The following PTCH1 variants were observed in gnomAD, a reference collection of about 807,000 sequenced individuals.
The protein encoded by PTCH1 is patched 1.
Under a neutral mutation model 144.6 loss-of-function variants are expected in PTCH1, and 14 were observed. The observed-to-expected ratio is 0.10, with a 90% confidence interval of 0.06 to 0.15. The LOEUF is 0.15. Among genes scored for constraint, PTCH1 ranks in the 10% least tolerant of loss-of-function variants. The pLI is 1.00. For missense variants in PTCH1, 1,623 were observed against 1,948.3 expected (o/e 0.83, Z 3.14); for synonymous variants, 833 against 793.6 (o/e 1.05, Z -0.83).
At chr9:95,503,507 T>C (rs1386216610) in intron 2 of PTCH1, among the ~76,000 whole-genome samples, 1 of 152,204 alleles carries the variant, frequency 6.6e-6, no homozygotes, top group Non-Finnish European at 1.5e-5. Context: ...TCTATCTGCA[T>C]TTATGAAACT....
At chr9:95,482,326 C>T (rs55905992) in intron 3 of PTCH1, 123 bp from the exon 4 acceptor site, 80 of 979,140 alleles carry the variant, frequency 8.2e-5, no homozygotes, top group East Asian at 7.5e-4. Flanking sequence ...TCTGTCAAAA[C>T]GAGCAGAGCT....
chr9:95,513,379 C>A (rs1172956381), upstream of PTCH1, among the ~76,000 whole-genome samples: 1 of 152,202 alleles, frequency 6.6e-6, no homozygotes, highest in Non-Finnish European at 1.5e-5. Context: ...GTTTAATACT[C>A]TTCCAGAAAT....
intron 2 of PTCH1, among the ~76,000 whole-genome samples, chr9:95,490,855 TAGAAG>T (rs1302645992): frequency 1.3e-5 from 2 of 152,150 alleles, no homozygotes; most frequent in East Asian, 3.9e-4. Context: ...TCAAAATAGC[TAGAAG>T]AGAAGATTTA....
rs968469622 is a variant in PTCH1, at chr9:95,490,556, C to T, written c.395-4682G>A. The stretch of plus-strand genomic sequence containing the variant: ...ACACACACACACACACACACACACA[C>T]AAAAGAAAGATAGATATGAGAGCTA... On this transcript the variant is annotated intron_variant, in intron 2 of 23. Transcript: ENST00000331920. 2.8e-5 allele frequency among the ~76,000 whole-genome samples: 4 copies of T among 141,162 alleles called. No homozygotes were observed. In the East Asian group the frequency reaches 8.1e-4, roughly 29 times the overall value. The allele number at this position is 141,162 out of a possible 152,430, so 92.6% of individuals were successfully genotyped here.
At chr9:95,489,230 T>C (rs75386307) in intron 2 of PTCH1, among the ~76,000 whole-genome samples, 1,810 of 152,332 alleles carry the variant, frequency 0.012, 27 homozygotes, top group East Asian at 0.031. Context: ...AAGCTGTTCA[T>C]TATCTTGCTG....
intron 20 of PTCH1, chr9:95,453,271 A>G (rs772720406): frequency 3.3e-6 from 2 of 613,738 alleles, no homozygotes; most frequent in Non-Finnish European, 5.6e-6. Flanking sequence ...AGCTGGGATT[A>G]CAGGCACCCA....
chr9:95,510,479 C>G (rs1407563052), upstream of PTCH1, among the ~76,000 whole-genome samples: 2 of 152,112 alleles, frequency 1.3e-5, no homozygotes, highest in Non-Finnish European at 2.9e-5. Flanking sequence ...TGGAGCCAGA[C>G]ACGTCTACAC....
At chr9:95,450,326 C>T (rs2282043) in intron 20 of PTCH1, 22,572 of 312,870 alleles carry the variant, frequency 0.072, 1,033 homozygotes, top group Non-Finnish European at 0.094. Flanking sequence ...GGGCCCCGCT[C>T]GTGAAAACCC....
chr9:95,516,957 C>G (rs1453962922), exon 1 of PTCH1: 2 of 661,026 alleles, frequency 3.0e-6, no homozygotes, highest in Admixed American at 7.3e-5. Flanking sequence ...CAGCACAGCC[C>G]TCCTGGGTAA....
rs993533515 is a variant in PTCH1, at chr9:95,457,866, C to T, written c.3168+147G>A. The T allele has an allele frequency of 7.9e-6, 9 of 1,136,580 alleles. No homozygotes were observed. In the Admixed American group the frequency reaches 1.6e-4, roughly 20 times the overall value. The allele number at this position is 1,136,580 out of a possible 1,614,324, so 70.4% of individuals were successfully genotyped here. Reference sequence around the variant, plus strand: ...GAGGTTCTACCTTAACCATGGACCTCACCACCTCGAGTAGAATAAACATAT... The same window carrying T: ...GAGGTTCTACCTTAACCATGGACCTTACCACCTCGAGTAGAATAAACATAT... On this transcript the variant is annotated intron_variant, in intron 18 of 23. Transcript: ENST00000331920.
At position 95,449,405 on chromosome 9, in the gene PTCH1, T is replaced by A. The variant is rs555458193; in HGVS notation, c.3550-82A>T. 1.1e-4 allele frequency: 169 copies of A among 1,524,794 alleles called. No individual in the cohort carries two copies. The South Asian group carries it at 2.0e-3, about 18-fold the overall frequency. The allele number at this position is 1,524,794 out of a possible 1,614,324, so 94.5% of individuals were successfully genotyped here. Reference sequence around the variant, plus strand: ...CTCAAAGCTCAAAGCACGGTATTTTTCAGGGGCCTCTGTTCCCTGCCCTGG... The same window carrying A: ...CTCAAAGCTCAAAGCACGGTATTTTACAGGGGCCTCTGTTCCCTGCCCTGG... On this transcript the variant is annotated intron_variant, in intron 21 of 23. Coordinates refer to ENST00000331920, the MANE Select transcript of PTCH1 (RefSeq NM_000264.5). This position sits in a 1 kb window ranked among gnomAD's most constrained non-coding sequence, Gnocchi z 5.3.
chr9:95,492,316 G>T (rs777279047), intron 2 of PTCH1, among the ~76,000 whole-genome samples: 2 of 152,040 alleles, frequency 1.3e-5, no homozygotes, highest in Non-Finnish European at 2.9e-5. Flanking sequence ...GAATGTCGTG[G>T]TTTTTTTACT....
upstream of PTCH1, among the ~76,000 whole-genome samples, chr9:95,510,330 C>A (rs1036013119): frequency 1.5e-4 from 23 of 151,992 alleles, no homozygotes; most frequent in African/African-American, 5.1e-4. Flanking sequence ...TTATAAATGC[C>A]CCGATGCTGG....
At chr9:95,482,921 A>AAATG (rs1408193027) in intron 3 of PTCH1, 1 of 152,564 alleles carries the variant, frequency 6.6e-6, no homozygotes, top group Non-Finnish European at 1.5e-5. Context: ...TGAATGAATG[A>AAATG]AATGAATGAA....
Position 95,480,563 on chromosome 9 carries a change from T to G in PTCH1, c.772A>C (p.Asn258His). The change falls in exon 6 of 24, where the codon AAC becomes CAC. Residue 258 changes from asparagine (N) to histidine (H), a missense_variant. By Grantham distance (68) the Asn-to-His change is moderately conservative. Transcript: ENST00000331920. ...TCCAGGAATTCCAAAGGGTCGAAGT[T>G]TGTCCACCGCAAAGGAGGTTTACCT... is the stretch of plus-strand genomic sequence containing the variant. ...LLGKPPLRWT[N>H]FDPLEFLEEL... 6.2e-7 allele frequency: 1 copy of G among 1,613,710 alleles called. No homozygotes were observed. The highest frequency in any genetic ancestry group is 1.1e-5 in the South Asian group (1 of 90,998).
chr9:95,456,482 G>A lies in PTCH1; in HGVS notation c.3169-69C>T, dbSNP rs549806824. ...TCTGGGGCTGCCCACAAGGGAGGTC[G>A]CCAGAGGGCTAAGGTGTCCTCGGTT... On this transcript the variant is annotated intron_variant, in intron 18 of 23. Coordinates refer to ENST00000331920, the MANE Select transcript of PTCH1 (RefSeq NM_000264.5). The A allele has an allele frequency of 1.8e-4, 285 of 1,579,002 alleles. No homozygotes were observed. In the Admixed American group the frequency reaches 2.0e-3, roughly 11 times the overall value.
intron 3 of PTCH1, chr9:95,484,246 A>G (rs1207315765): frequency 3.3e-5 from 5 of 152,242 alleles, no homozygotes; most frequent in African/African-American, 1.2e-4. Context: ...TGTACCAGGT[A>G]GTTGCTTCCC....
chr9:95,479,895 T>C lies in PTCH1; in HGVS notation c.1067+74A>G, dbSNP rs55706201. Reference sequence around the variant, plus strand: ...GTATTAATACAAATACACTTGCCGATGTCAGGAGGGAAGTGGCTTTTGAGG... The same window carrying C: ...GTATTAATACAAATACACTTGCCGACGTCAGGAGGGAAGTGGCTTTTGAGG... On this transcript the variant is annotated intron_variant, in intron 7 of 23. Transcript: ENST00000331920. The C allele has an allele frequency of 8.3e-3, 13,263 of 1,604,812 alleles. 912 individuals carry two copies. The African/African-American group carries it at 0.15, about 18-fold the overall frequency.
At chr9:95,484,184 C>A (rs1326273707) in intron 3 of PTCH1, 1 of 152,218 alleles carries the variant, frequency 6.6e-6, no homozygotes, top group East Asian at 1.9e-4. Flanking sequence ...CTTGCAGTGG[C>A]CCCAGGACAA....
Sources: allele counts gnomAD v4.1 joint callset (sites outside exome capture counted in the v4.1 genomes callset), GRCh38; gene constraint gnomAD v4.1.1; non-coding constraint Gnocchi (gnomAD v3.1); transcripts MANE v1.5; gene names NCBI Gene and HGNC (gene_info 2026-07-23, HGNC 2026-07-21).